Variants in PERM1 observed in about 807,000 individuals in gnomAD.
The protein encoded by PERM1 is PGC-1 and ERR-induced regulator in muscle protein 1.
Under a neutral mutation model 44.1 loss-of-function variants are expected in PERM1, and 45 were observed. The ratio of observed to expected loss-of-function variants is 1.02; its 90% confidence interval spans 0.80 to 1.31. PERM1 has a LOEUF of 1.31. PERM1 is among the 50% of genes most tolerant of loss of function. PERM1 has a pLI of 0.00. For missense variants in PERM1, 1,189 were observed against 1,106.9 expected, an observed-to-expected ratio of 1.07 and a Z score of -1.05; for synonymous variants, 565 against 477.1, an observed-to-expected ratio of 1.18 and a Z score of -2.40.
At chr1:978,280 C>T (rs1325274631) in intron 1 of PERM1, among the ~76,000 whole-genome samples, 2 of 150,688 alleles carry the variant, frequency 1.3e-5, no homozygotes, top group Non-Finnish European at 3.0e-5. Context: ...CATGTCTGTC[C>T]TAAGATACAT....
upstream of PERM1, chr1:981,101 C>T (rs760853348): frequency 2.5e-5 from 38 of 1,548,712 alleles, no homozygotes; most frequent in Non-Finnish European, 3.2e-5. Context: ...AGGCCCCGGG[C>T]ACCACCCTGC....
exon 1 of PERM1, chr1:979,302 A>G: frequency 6.5e-7 from 1 of 1,543,614 alleles, no homozygotes; most frequent in Non-Finnish European, 8.8e-7. Context: ...GGGTCACGGC[A>G]AAGCTGCTCC....
At chr1:980,257 G>A (rs1643756869) in exon 1 of PERM1, 2 of 1,550,320 alleles carry the variant, frequency 1.3e-6, no homozygotes, top group Non-Finnish European at 1.7e-6. Context: ...CACAGGGACA[G>A]GTGTAGACAG....
exon 1 of PERM1, chr1:980,638 G>A (rs969135399): frequency 3.5e-6 from 5 of 1,441,672 alleles, no homozygotes; most frequent in South Asian, 1.5e-5. Flanking sequence ...AGAAGACGCC[G>A]GACCAGGGCA....
intron 2 of PERM1, 65 bp downstream of exon 3, chr1:976,434 C>G (rs1307986065): frequency 1.9e-6 from 3 of 1,547,722 alleles, no homozygotes; most frequent in Admixed American, 3.9e-5. Context: ...GTGCACCCCT[C>G]GTCCTGCCAG....
chr1:978,779 C>A, intron 1 of PERM1, 102 bp downstream of exon 2: 1 of 1,171,618 alleles, frequency 8.5e-7, no homozygotes, highest in Non-Finnish European at 1.2e-6. Flanking sequence ...GGGGATGACC[C>A]AAGCCCGGCC....
exon 1 of PERM1, chr1:980,474 G>T (rs545665777): frequency 1.3e-6 from 2 of 1,522,526 alleles, no homozygotes; most frequent in East Asian, 2.5e-5. Context: ...CCCACAGCTC[G>T]CCTCTTCTTT....
chr1:981,934 C>T (rs956247167), upstream of PERM1: 10 of 722,120 alleles, frequency 1.4e-5, no homozygotes, highest in African/African-American at 9.3e-5. Context: ...GGTCCTGAGA[C>T]GGAGGCCAGG....
chr1:978,878 T>C lies in PERM1; in HGVS notation c.2149+3A>G. 6.8e-7 allele frequency: 1 copy of C among 1,479,556 alleles called. No individual in the cohort carries two copies. The highest frequency in any genetic ancestry group is 9.0e-7 in the Non-Finnish European group (1 of 1,111,212). 91.7% of individuals were successfully genotyped at this position (1,479,556 alleles called of 1,614,324 possible). A position where few individuals can be genotyped will look rare whatever the true frequency, so the allele number is the denominator to read the frequency against. On this transcript the variant is annotated splice_donor_region_variant and intron_variant, in intron 1 of 2. Coordinates refer to ENST00000433179, the Ensembl canonical transcript of PERM1. ...ACGGGCTGTGGGATCCGAGAGCACG[T>C]ACCTGCCCGTCTAAGAGCCAGGTGG... is the stretch of plus-strand genomic sequence containing the variant.
chr1:978,887 G>A (rs552592144), exon 1 of PERM1: 69 of 1,488,672 alleles, frequency 4.6e-5, no homozygotes, highest in Non-Finnish European at 5.8e-5. Flanking sequence ...GTACCTGCCC[G>A]TCTAAGAGCC....
At chr1:979,940 C>T (rs1446439120) in exon 1 of PERM1, 2 of 1,550,312 alleles carry the variant, frequency 1.3e-6, no homozygotes, top group South Asian at 1.2e-5. Flanking sequence ...GGCTTGGAGG[C>T]AGGTATAGAC....
chr1:981,052 A>T (rs1183080077), upstream of PERM1: 2 of 1,542,386 alleles, frequency 1.3e-6, no homozygotes, highest in African/African-American at 2.8e-5. Context: ...GAGGCACTGG[A>T]GGGTAGCAGA....
At chr1:975,972 C>T (rs1453992533) in exon 3 of PERM1, 4 of 578,596 alleles carry the variant, frequency 6.9e-6, no homozygotes, top group Middle Eastern at 4.6e-4. Flanking sequence ...TTTAGCACCT[C>T]CCTCCCAGGC....
exon 3 of PERM1, chr1:975,831 A>G (rs1391894431): frequency 3.6e-6 from 1 of 274,652 alleles, no homozygotes; most frequent in East Asian, 7.9e-5. Flanking sequence ...ATTTCAGATA[A>G]ACAACAACTT....
At chr1:981,079 C>G, upstream of PERM1, 1 of 1,547,326 alleles carries the variant, frequency 6.5e-7, no homozygotes, top group South Asian at 1.2e-5. Flanking sequence ...CCGGTGGGGT[C>G]TTCATGGGTT....
chr1:976,188 G>GGGCTGT lies in PERM1; in HGVS notation c.2351_2356dup (p.His784_Ser785dup), dbSNP rs751073143. The GGGCTGT allele has an allele frequency of 8.4e-6, 13 of 1,545,600 alleles. No individual in the cohort carries two copies. The South Asian group carries it at 9.6e-5, about 11-fold the overall frequency. Reference sequence around the variant, plus strand: ...GCCTGGCTCCTAGGAGCTGGGGCTGGGGCTGTGGCTGCGGCGCCCTTGCCC... The same window carrying GGGCTGT: ...GCCTGGCTCCTAGGAGCTGGGGCTGGGGCTGTGGCTGTGGCTGCGGCGCCCTTGCCC... On this transcript the variant is annotated inframe_insertion, in exon 3 of 3. Coordinates refer to ENST00000433179, the Ensembl canonical transcript of PERM1.
chr1:978,960 C>T lies in PERM1; in HGVS notation c.2070G>A (p.Ser690=), dbSNP rs752757961. The T allele has an allele frequency of 1.6e-4, 245 of 1,506,624 alleles. 1 individual carries two copies. The highest frequency in any genetic ancestry group is 1.4e-3 in the Admixed American group (65 of 45,120). 93.3% of individuals were successfully genotyped at this position (1,506,624 alleles called of 1,614,324 possible). A position where few individuals can be genotyped will look rare whatever the true frequency, so the allele number is the denominator to read the frequency against. ...TCCCAGGCCCCGCCCCCTCGGAGGC[C>T]GACCGGGGAGGCTCCAGGGCCTGCA... The change falls in exon 1 of 3, where the codon TCG becomes TCA. Residue 690 remains serine (S), a synonymous_variant. Coordinates refer to ENST00000433179, the Ensembl canonical transcript of PERM1.
chr1:979,079 G>A (rs1453391602), exon 1 of PERM1: 3 of 1,548,742 alleles, frequency 1.9e-6, no homozygotes, highest in Admixed American at 2.0e-5. Context: ...ATGGGCACGG[G>A]GTCTCCAGGT....
At position 978,961 on chromosome 1, in the gene PERM1, G is replaced by T. The variant is rs758582513; in HGVS notation, c.2069C>A (p.Ser690Ter). 2.0e-6 allele frequency: 3 copies of T among 1,506,966 alleles called. No homozygotes were observed. Among genetic ancestry groups the T allele is most frequent in the African/African-American group, 1.4e-5 (1 of 71,692 alleles). The allele number at this position is 1,506,966 out of a possible 1,614,324, so 93.3% of individuals were successfully genotyped here. ...CCCAGGCCCCGCCCCCTCGGAGGCC[G>T]ACCGGGGAGGCTCCAGGGCCTGCAG... The change falls in exon 1 of 3, where the codon TCG becomes TAG. Residue 690 changes from serine to a stop codon, truncating the protein, a stop_gained. Transcript: ENST00000433179. LOFTEE classifies it high-confidence loss of function.
Sources: gnomAD v4.1 joint callset for allele counts (sites outside exome capture counted in the v4.1 genomes callset) on GRCh38, gnomAD v4.1.1 for gene constraint, MANE v1.5 for transcripts, NCBI Gene and HGNC (gene_info 2026-07-23, HGNC 2026-07-21) for gene names.